The following BLTP1 variants were observed in gnomAD, a reference collection of about 807,000 sequenced individuals.
BLTP1 encodes fragile site-associated protein.
chr4:122,195,411 C>T, the BLTP1 span, among the ~76,000 whole-genome samples: 6 of 151,298 alleles, frequency 4.0e-5, no homozygotes, highest in East Asian at 1.2e-3. Flanking sequence ...ATAATACAAA[C>T]CTTCCTAACA....
At chr4:122,234,187 C>T in the BLTP1 span, 4 of 585,534 alleles carry the variant, frequency 6.8e-6, no homozygotes, top group Admixed American at 6.3e-5. Context: ...AGTTTACATA[C>T]ATTTTTAATA....
chr4:122,154,176 T>TTG, the BLTP1 span: 1 of 934,550 alleles, frequency 1.1e-6, no homozygotes, highest in African/African-American at 2.1e-5. Flanking sequence ...TTTTTTTTTT[T>TTG]TTTTTTTTTT....
At chr4:122,210,924 G>T in the BLTP1 span, 2 of 1,613,324 alleles carry the variant, frequency 1.2e-6, no homozygotes, top group East Asian at 2.2e-5. Context: ...CTGTATTAAG[G>T]CCATCCCAGA....
the BLTP1 span, chr4:122,325,112 C>T: frequency 3.9e-6 from 4 of 1,025,238 alleles, no homozygotes; most frequent in South Asian, 2.2e-5. Flanking sequence ...AAGTTCAATC[C>T]TTTGATTAGG....
At chr4:122,204,354 A>T in the BLTP1 span, 1 of 954,022 alleles carries the variant, frequency 1.0e-6, no homozygotes, top group Non-Finnish European at 1.2e-6. Context: ...AGTAGTTTTA[A>T]CTAAAATAGG....
the BLTP1 span, among the ~76,000 whole-genome samples, chr4:122,361,563 G>T: frequency 6.6e-6 from 1 of 152,150 alleles, no homozygotes; most frequent in African/African-American, 2.4e-5. Context: ...GGGGCAGAAG[G>T]TGGCCAGGAG....
chr4:122,243,715 T>G, the BLTP1 span: 1 of 1,111,788 alleles, frequency 9.0e-7, no homozygotes, highest in Non-Finnish European at 1.2e-6. Flanking sequence ...AGACTCTATC[T>G]CAAAGAAAAA....
the BLTP1 span, chr4:122,204,409 C>A: frequency 2.4e-6 from 2 of 825,504 alleles, no homozygotes; most frequent in Non-Finnish European, 2.9e-6. Flanking sequence ...GTATTATCTT[C>A]ACATAACTCT....
the BLTP1 span, among the ~76,000 whole-genome samples, chr4:122,361,492 G>T: frequency 1.3e-5 from 2 of 152,182 alleles, no homozygotes; most frequent in African/African-American, 4.8e-5. Context: ...CCATGAGGGA[G>T]GAGGGTACTG....
At chr4:122,210,359 T>TA in the BLTP1 span, among the ~76,000 whole-genome samples, 1 of 152,140 alleles carries the variant, frequency 6.6e-6, no homozygotes, top group East Asian at 1.9e-4. Flanking sequence ...ACAGTTCTCA[T>TA]ATGATTTATA....
At chr4:122,310,467 T>C in the BLTP1 span, among the ~76,000 whole-genome samples, 1 of 152,132 alleles carries the variant, frequency 6.6e-6, no homozygotes, top group African/African-American at 2.4e-5. Context: ...AAGAAATGGT[T>C]AAACCTGAGT....
the BLTP1 span, chr4:122,277,762 A>C: frequency 1.0e-6 from 1 of 973,918 alleles, no homozygotes; most frequent in Non-Finnish European, 1.2e-6. Context: ...GATGATTGTT[A>C]TTCTAATTTC....
At chr4:122,312,865 TTAAAGA>T in the BLTP1 span, 1 of 845,704 alleles carries the variant, frequency 1.2e-6, no homozygotes, top group Non-Finnish European at 1.4e-6. Context: ...CAAAAGGACA[TTAAAGA>T]TATATGTACT....
chr4:122,223,734 A>G, the BLTP1 span, among the ~76,000 whole-genome samples: 1 of 152,134 alleles, frequency 6.6e-6, no homozygotes, highest in Non-Finnish European at 1.5e-5. Flanking sequence ...AGGTCCTGGC[A>G]AGAGGTGATA....
At chr4:122,244,116 G>A in the BLTP1 span, 1 of 1,338,096 alleles carries the variant, frequency 7.5e-7, no homozygotes, top group African/African-American at 1.5e-5. Flanking sequence ...TCGTGTAGAA[G>A]ATTGTTGATA....
At chr4:122,236,886 T>TA in the BLTP1 span, 1 of 982,042 alleles carries the variant, frequency 1.0e-6, no homozygotes, top group Non-Finnish European at 1.2e-6. Context: ...AACCCCTACA[T>TA]ACGTACCTGA....
chr4:122,224,330 CAG>C, the BLTP1 span: 1 of 346,406 alleles, frequency 2.9e-6, no homozygotes, highest in Non-Finnish European at 4.1e-6. Context: ...ATGCTTAACT[CAG>C]AATACCTCTG....
the BLTP1 span, among the ~76,000 whole-genome samples, chr4:122,308,342 A>G: frequency 0.016 from 2,385 of 152,152 alleles, 23 homozygotes; most frequent in Non-Finnish European, 0.021. Context: ...TCTTAATCTC[A>G]TGGGACTTTT....
At chr4:122,163,250 G>A in the BLTP1 span, among the ~76,000 whole-genome samples, 1 of 152,276 alleles carries the variant, frequency 6.6e-6, no homozygotes, top group African/African-American at 2.4e-5. Flanking sequence ...AGTGAATAAA[G>A]GGCATTATTC....
Sources: allele counts gnomAD v4.1 joint callset (sites outside exome capture counted in the v4.1 genomes callset), GRCh38; gene constraint gnomAD v4.1.1; transcripts MANE v1.5; gene names NCBI Gene and HGNC (gene_info 2026-07-23, HGNC 2026-07-21).